The following EXT1 variants were observed in gnomAD, a reference collection of about 807,000 sequenced individuals.
EXT1 encodes the protein exostosin-1.
In EXT1, 20 loss-of-function variants were observed where a neutral mutation model predicts 82.5. The observed-to-expected ratio is 0.24, with a 90% CI of 0.17 to 0.35. The LOEUF is 0.35. Among genes scored for constraint, EXT1 ranks in the 10% least tolerant of loss-of-function variants. The pLI, the probability that EXT1 is intolerant of heterozygous loss-of-function variation, is 1.00. For synonymous variants in EXT1, 348 were observed against 350.8 expected, an observed-to-expected ratio of 0.99 and a Z score of 0.09; for missense variants, 757 against 936.5, an observed-to-expected ratio of 0.81 and a Z score of 2.50.
chr8:117,920,384 G>A (rs375137668), intron 1 of EXT1, among the ~76,000 whole-genome samples: 6 of 152,274 alleles, frequency 3.9e-5, no homozygotes, highest in East Asian at 1.9e-4. Flanking sequence ...TTACGGGCAT[G>A]AGCCACCGCA....
intron 1 of EXT1, among the ~76,000 whole-genome samples, chr8:118,099,830 G>A (rs948316471): frequency 6.6e-6 from 1 of 152,212 alleles, no homozygotes; most frequent in Non-Finnish European, 1.5e-5. Context: ...TGCTGTTGCT[G>A]TTATCCTCAT....
chr8:117,932,594 C>T (rs1007743557), intron 1 of EXT1, among the ~76,000 whole-genome samples: 4 of 152,162 alleles, frequency 2.6e-5, no homozygotes, highest in Admixed American at 6.5e-5. Context: ...CACTGTCCCA[C>T]ACTCACTTCC....
intron 10 of EXT1, among the ~76,000 whole-genome samples, chr8:117,800,657 T>A (rs986308005): frequency 6.6e-6 from 1 of 152,216 alleles, no homozygotes; most frequent in African/African-American, 2.4e-5. Context: ...TTGGCTTTCC[T>A]GCTTGACTAA....
intron 1 of EXT1, among the ~76,000 whole-genome samples, chr8:117,996,416 G>A (rs1195334869): frequency 1.3e-5 from 2 of 152,216 alleles, no homozygotes; most frequent in Non-Finnish European, 2.9e-5. Context: ...TGTACGGCTA[G>A]TGGCTGCCAT....
At chr8:117,820,299 C>G (rs6983525) in intron 5 of EXT1, among the ~76,000 whole-genome samples, 77,538 of 152,024 alleles carry the variant, frequency 0.51, 20,297 homozygotes, top group Admixed American at 0.61. Flanking sequence ...ACTTACTGGT[C>G]GGGGGACCTT....
chr8:118,105,708 A>G (rs182165903), intron 1 of EXT1, among the ~76,000 whole-genome samples: 25 of 152,314 alleles, frequency 1.6e-4, no homozygotes, highest in African/African-American at 5.1e-4. Context: ...CTATTGTACA[A>G]CTGTGGGGAG....
intron 4 of EXT1, among the ~76,000 whole-genome samples, chr8:117,823,967 T>C (rs146324512): frequency 0.011 from 1,656 of 152,294 alleles, 15 homozygotes; most frequent in Non-Finnish European, 0.018. Flanking sequence ...TATGAGAAAA[T>C]TGTCATAGTT....
intron 1 of EXT1, among the ~76,000 whole-genome samples, chr8:118,049,457 C>T (rs933098008): frequency 2.0e-5 from 3 of 152,066 alleles, no homozygotes; most frequent in Admixed American, 6.5e-5. Flanking sequence ...GGCAAAGCTC[C>T]GACTTTGCAA....
intron 1 of EXT1, among the ~76,000 whole-genome samples, chr8:117,930,037 G>A (rs538218163): frequency 2.6e-5 from 4 of 152,096 alleles, no homozygotes; most frequent in South Asian, 2.1e-4. Flanking sequence ...CCTGGGAGGC[G>A]GAGGTTGCAG....
intron 10 of EXT1, among the ~76,000 whole-genome samples, chr8:117,802,959 G>A (rs1021778563): frequency 6.6e-6 from 1 of 152,098 alleles, no homozygotes; most frequent in African/African-American, 2.4e-5. Flanking sequence ...TAAATTTAGT[G>A]AATGAAAAAC....
At chr8:117,912,227 A>G (rs1813661657) in intron 1 of EXT1, among the ~76,000 whole-genome samples, 1 of 152,188 alleles carries the variant, frequency 6.6e-6, no homozygotes, top group Non-Finnish European at 1.5e-5. Context: ...AGAGTATACT[A>G]AAGAATACTG....
intron 1 of EXT1, among the ~76,000 whole-genome samples, chr8:118,035,258 A>C (rs562894040): frequency 7.3e-4 from 111 of 152,260 alleles, no homozygotes; most frequent in African/African-American, 2.5e-3. Context: ...GGAAGCTTGG[A>C]ATTTGGAGGC....
At chr8:118,055,756 C>T (rs1039459455) in intron 1 of EXT1, among the ~76,000 whole-genome samples, 3 of 152,200 alleles carry the variant, frequency 2.0e-5, no homozygotes, top group East Asian at 1.9e-4. Context: ...ATTATTCTCG[C>T]AAAATCTTAA....
intron 1 of EXT1, among the ~76,000 whole-genome samples, chr8:117,977,396 A>AAT (rs1427909255): frequency 7.3e-5 from 11 of 151,540 alleles, no homozygotes; most frequent in Non-Finnish European, 1.2e-4. Flanking sequence ...CAAAATAAAA[A>AAT]AAAAAAAAAA....
chr8:118,011,615 C>G (rs1352576793), intron 1 of EXT1, among the ~76,000 whole-genome samples: 1 of 152,150 alleles, frequency 6.6e-6, no homozygotes, highest in Non-Finnish European at 1.5e-5. Context: ...TTCACAGATA[C>G]AAACACAACT....
chr8:117,889,864 A>T (rs1813212142), intron 1 of EXT1, among the ~76,000 whole-genome samples: 3 of 152,234 alleles, frequency 2.0e-5, no homozygotes, highest in Admixed American at 2.0e-4. Flanking sequence ...TTTACAGCAT[A>T]GAATAACCAT....
chr8:117,989,852 C>A (rs114129319), intron 1 of EXT1, among the ~76,000 whole-genome samples: 41 of 146,636 alleles, frequency 2.8e-4, no homozygotes, highest in African/African-American at 1.0e-3. Context: ...GCCAAAAAAA[C>A]AAATGCACTT....
chr8:117,948,951 C>G (rs1431155409), intron 1 of EXT1, among the ~76,000 whole-genome samples: 1 of 152,190 alleles, frequency 6.6e-6, no homozygotes, highest in Non-Finnish European at 1.5e-5. Flanking sequence ...TTAAAACACC[C>G]ATGCACATTT....
At chr8:117,859,885 G>C (rs985579409) in intron 1 of EXT1, among the ~76,000 whole-genome samples, 1 of 152,076 alleles carries the variant, frequency 6.6e-6, no homozygotes, top group Non-Finnish European at 1.5e-5. Context: ...AGTGGCTCAC[G>C]CCTGTAATCC....
Sources: allele counts gnomAD v4.1 joint callset (sites outside exome capture counted in the v4.1 genomes callset), GRCh38; gene constraint gnomAD v4.1.1; transcripts MANE v1.5; gene names NCBI Gene and HGNC (gene_info 2026-07-23, HGNC 2026-07-21).